Variants in COL22A1 observed in about 807,000 individuals in gnomAD.
COL22A1 encodes collagen type XXII alpha 1 chain.
COL22A1 carries 221 observed loss-of-function variants against 248.9 expected under a neutral mutation model. The observed-to-expected ratio is 0.89, with a 90% CI of 0.80 to 0.99. The LOEUF is 0.99. COL22A1 is among the 50% of genes least tolerant of loss of function. The pLI is 0.00. For synonymous variants in COL22A1, 891 were observed against 793.4 expected, an observed-to-expected ratio of 1.12 and a Z score of -2.07; for missense variants, 2,240 against 2,179.0, an observed-to-expected ratio of 1.03 and a Z score of -0.56.
intron 46 of COL22A1, among the ~76,000 whole-genome samples, chr8:138,647,808 C>T (rs1380593629): frequency 2.0e-5 from 3 of 152,120 alleles, no homozygotes; most frequent in Non-Finnish European, 4.4e-5. Flanking sequence ...GCCTCATTCC[C>T]AGTGATTTGA....
rs372241689 is a variant in COL22A1 at position 138,755,866 on chromosome 8, G to A, written c.1903-37C>T. On this transcript the variant is annotated intron_variant, in intron 18 of 64. Transcript: ENST00000303045. ...CGACAAACATTTCAGCATAGTTACT[G>A]GTGCCACCTTCTGTGGCAGTCCCAT... 2.1e-5 allele frequency: 33 copies of A among 1,594,506 alleles called. No individual in the cohort carries two copies. In the African/African-American group the frequency reaches 3.2e-4, roughly 16 times the overall value.
intron 35 of COL22A1, among the ~76,000 whole-genome samples, chr8:138,691,666 G>A (rs1002532660): frequency 1.3e-4 from 19 of 147,986 alleles, no homozygotes; most frequent in Non-Finnish European, 2.4e-4. Flanking sequence ...TGTTTGTGGG[G>A]GTGTGTATAT....
chr8:138,716,901 C>G (rs1284189185), intron 27 of COL22A1, 32 bp from the exon 28 acceptor site: 3 of 1,562,856 alleles, frequency 1.9e-6, no homozygotes, highest in Non-Finnish European at 2.6e-6. Context: ...CCCCATTATT[C>G]TCCATTCACT....
intron 7 of COL22A1, among the ~76,000 whole-genome samples, chr8:138,816,250 G>A (rs1244326326): frequency 2.0e-5 from 3 of 152,146 alleles, no homozygotes; most frequent in African/African-American, 4.8e-5. Flanking sequence ...GGTGGGGTGA[G>A]AGGTCCTCTG....
Position 138,650,983 on chromosome 8 carries a change from C to T in COL22A1, c.3334-1205G>A, listed in dbSNP as rs375443551. ...CACCAAAGGCACCTGCAAAAATACG[C>T]GGAAGCTGCACTGTTCATAGTCCAT... On this transcript the variant is annotated intron_variant, in intron 45 of 64. Transcript: ENST00000303045. Among the ~76,000 whole-genome samples the T allele has an allele frequency of 6.0e-4, 92 of 152,256 alleles. 1 individual carries two copies. Among genetic ancestry groups the T allele is most frequent in the East Asian group, 1.7e-3 (9 of 5,172 alleles).
chr8:138,749,215 T>C (rs1024492218), intron 22 of COL22A1, among the ~76,000 whole-genome samples: 18 of 152,158 alleles, frequency 1.2e-4, no homozygotes, highest in Non-Finnish European at 2.4e-4. Flanking sequence ...TCTTTTCCTT[T>C]ATAAATTACA....
chr8:138,867,999 G>A (rs955429518), intron 3 of COL22A1, among the ~76,000 whole-genome samples: 4 of 152,132 alleles, frequency 2.6e-5, no homozygotes, highest in Admixed American at 6.5e-5. Context: ...TCCTGACCTC[G>A]TGATCTGCCC....
chr8:138,717,139 A>T (rs912930636), intron 27 of COL22A1, among the ~76,000 whole-genome samples: 22 of 152,060 alleles, frequency 1.4e-4, no homozygotes, highest in African/African-American at 4.6e-4. Flanking sequence ...TTTATTTTTT[A>T]ATTTTTTTTT....
chr8:138,873,369 G>C (rs1243815350), intron 3 of COL22A1, among the ~76,000 whole-genome samples: 1 of 152,156 alleles, frequency 6.6e-6, no homozygotes, highest in Non-Finnish European at 1.5e-5. Context: ...GAGTGAAACA[G>C]ATCATTGCCC....
chr8:138,860,161 ACATTCCTCCGT>A (rs1822341888), intron 3 of COL22A1, among the ~76,000 whole-genome samples: 1 of 151,684 alleles, frequency 6.6e-6, no homozygotes, highest in Non-Finnish European at 1.5e-5. Context: ...CTGCTGGCTC[ACATTCCTCCGT>A]CAGACTTCTA....
At chr8:138,873,664 G>C (rs983116475) in intron 3 of COL22A1, among the ~76,000 whole-genome samples, 7 of 152,138 alleles carry the variant, frequency 4.6e-5, no homozygotes, top group Non-Finnish European at 2.9e-5. Flanking sequence ...TCCCTCTCGA[G>C]GACAAAGAGG....
intron 23 of COL22A1, among the ~76,000 whole-genome samples, chr8:138,735,270 GC>G (rs1377976757): frequency 6.6e-6 from 1 of 152,142 alleles, no homozygotes; most frequent in Non-Finnish European, 1.5e-5. Flanking sequence ...TCAGGCAGTG[GC>G]CCCATCCAGG....
At position 138,875,137 on chromosome 8, in the gene COL22A1, A is replaced by G. The variant is rs548269503; in HGVS notation, c.658+2613T>C. Among the ~76,000 whole-genome samples, 5 of 152,316 alleles carry G rather than the reference A, an allele frequency of 3.3e-5. No individual in the cohort carries two copies. The East Asian group carries it at 7.7e-4, about 24-fold the overall frequency. On this transcript the variant is annotated intron_variant, in intron 3 of 64. Coordinates refer to ENST00000303045, the MANE Select transcript of COL22A1 (RefSeq NM_152888.3). ...AATGGAGAGTGGAATGAATGGGTCC[A>G]GGTTTCATCGTTTGAAGCTGCCTGA... is the stretch of plus-strand genomic sequence containing the variant.
chr8:138,778,548 G>A (rs976752473), intron 14 of COL22A1, 142 bp from the exon 15 acceptor site: 1 of 684,894 alleles, frequency 1.5e-6, no homozygotes, highest in Non-Finnish European at 2.4e-6. Flanking sequence ...TGTTGGCACA[G>A]GTCTCGCCAG....
intron 49 of COL22A1, among the ~76,000 whole-genome samples, chr8:138,634,146 A>G (rs529784226): frequency 1.3e-5 from 2 of 152,242 alleles, no homozygotes; most frequent in East Asian, 3.8e-4. Context: ...TAATTAACAC[A>G]CAGTTAACAA....
intron 6 of COL22A1, among the ~76,000 whole-genome samples, chr8:138,822,245 T>A (rs1265250343): frequency 6.6e-6 from 1 of 152,164 alleles, no homozygotes; most frequent in Non-Finnish European, 1.5e-5. Context: ...AGACAAGGTT[T>A]CACCATTTTG....
intron 11 of COL22A1, among the ~76,000 whole-genome samples, chr8:138,799,824 A>C (rs1007677476): frequency 6.6e-6 from 1 of 152,128 alleles, no homozygotes; most frequent in African/African-American, 2.4e-5. Context: ...GTGGGCAGTC[A>C]TTGAGGTTTC....
At chr8:138,826,920 T>G in intron 5 of COL22A1, 139 bp from the exon 6 acceptor site, 1 of 978,672 alleles carries the variant, frequency 1.0e-6, no homozygotes, top group Non-Finnish European at 1.5e-6. Flanking sequence ...CTTCTTGGCC[T>G]GCCTTCACTG....
intron 47 of COL22A1, among the ~76,000 whole-genome samples, chr8:138,638,015 T>A (rs148301295): frequency 6.6e-6 from 1 of 151,066 alleles, no homozygotes; most frequent in Admixed American, 6.6e-5. Context: ...AACAACACCA[T>A]GACTATTGTC....
Sources: gnomAD v4.1 joint callset for allele counts (sites outside exome capture counted in the v4.1 genomes callset) on GRCh38, gnomAD v4.1.1 for gene constraint, MANE v1.5 for transcripts, NCBI Gene and HGNC (gene_info 2026-07-23, HGNC 2026-07-21) for gene names.